The following LMO7 variants were observed in gnomAD, a reference collection of about 807,000 sequenced individuals.
The protein encoded by LMO7 is LIM domain 7, also known as LIM domain only protein 7.
Under a neutral mutation model 206.5 loss-of-function variants are expected in LMO7, and 120 were observed. That is an observed-to-expected ratio of 0.58 (90% confidence interval 0.50 to 0.68). The LOEUF (loss-of-function observed/expected upper bound fraction) is 0.68. Among genes scored for constraint, LMO7 ranks in the 30% least tolerant of loss-of-function variants. The pLI is 0.00. For missense variants in LMO7, 1,959 were observed against 1,957.9 expected, an observed-to-expected ratio of 1.00 and a Z score of -0.01; for synonymous variants, 706 against 681.5, an observed-to-expected ratio of 1.04 and a Z score of -0.56.
At chr13:75,632,862 G>GTTTTTTTTT (rs10690832), upstream of LMO7, among the ~76,000 whole-genome samples, 1,170 of 102,096 alleles carry the variant, frequency 0.011, 172 homozygotes, top group African/African-American at 0.025. Flanking sequence ...TTACTTAAAA[G>GTTTTTTTTT]TTTTTTTTTT....
chr13:75,688,091 A>AT (rs1378053861), intron 1 of LMO7, among the ~76,000 whole-genome samples: 6 of 152,082 alleles, frequency 3.9e-5, no homozygotes, highest in Non-Finnish European at 1.5e-5. Context: ...TTCCACCATG[A>AT]TTGTGAGGCC....
At chr13:75,765,555 A>T (rs1489664952) in intron 4 of LMO7, among the ~76,000 whole-genome samples, 1 of 151,994 alleles carries the variant, frequency 6.6e-6, no homozygotes, top group African/African-American at 2.4e-5. Flanking sequence ...CCATTCAACC[A>T]TTCTCTGTTG....
In LMO7 at chr13:75,853,347, T is replaced by A. The variant is rs375202957; in HGVS notation, c.4620T>A (p.His1540Gln). The change falls in exon 28 of 31, where the codon CAT (histidine) becomes CAA (glutamine). Residue 1540 changes from histidine (H) to glutamine (Q), a missense_variant. Coordinates refer to ENST00000377534, the MANE Select transcript of LMO7 (RefSeq NM_001306080.2). ...CACAGTCCCCCACCCCGAGAAGCCA[T>A]TCCCCTTCAGCTTCACAGTCAGGCT... Reference protein sequence around the residue: ...ATTQSPTPRSHSPSASQSGSQ... With the variant: ...ATTQSPTPRSQSPSASQSGSQ... The A allele has an allele frequency of 1.2e-6, 2 of 1,612,572 alleles. No homozygotes were observed. Among genetic ancestry groups the A allele is most frequent in the African/African-American group, 2.7e-5 (2 of 74,904 alleles).
chr13:75,623,409 G>C, intron 2 of LMO7: 1 of 730,624 alleles, frequency 1.4e-6, no homozygotes, highest in Non-Finnish European at 2.4e-6. Context: ...TGTTGCCCAG[G>C]GTGGAGTGCA....
chr13:75,670,966 C>CTTTTTTTTTTTTTTTTTT (rs552236505), intron 1 of LMO7, among the ~76,000 whole-genome samples: 11 of 100,078 alleles, frequency 1.1e-4, no homozygotes, highest in Non-Finnish European at 1.6e-4. Context: ...ATGTTTAAAA[C>CTTTTTTTTTTTTTTTTTT]TTTTTTTTTT....
intron 26 of LMO7, 75 bp from the exon 27 acceptor site, chr13:75,849,004 C>T: frequency 1.2e-6 from 1 of 823,648 alleles, no homozygotes. Flanking sequence ...TTTCCCTGAT[C>T]ACTAGTGATG....
At chr13:75,804,605 T>G (rs1420062610) in intron 8 of LMO7, 64 bp downstream of exon 8, 16 of 1,523,326 alleles carry the variant, frequency 1.1e-5, no homozygotes, top group African/African-American at 1.4e-5. Context: ...ATGTTAAATG[T>G]GGTAAAAAGA....
chr13:75,831,896 C>T (rs375719744), intron 15 of LMO7, among the ~76,000 whole-genome samples: 1 of 152,124 alleles, frequency 6.6e-6, no homozygotes, highest in Admixed American at 6.6e-5. Flanking sequence ...CAAGTACTAT[C>T]CTAGTTTTTC....
chr13:75,771,954 G>T (rs2140062347), intron 4 of LMO7, among the ~76,000 whole-genome samples: 1 of 151,956 alleles, frequency 6.6e-6, no homozygotes, highest in South Asian at 2.1e-4. Context: ...CAGGTGATAA[G>T]CATAGCACAT....
chr13:75,713,732 A>T (rs949510125), intron 2 of LMO7, among the ~76,000 whole-genome samples: 1 of 152,214 alleles, frequency 6.6e-6, no homozygotes, highest in Non-Finnish European at 1.5e-5. Context: ...GTTGTGGACC[A>T]TTCATTCAAT....
chr13:75,758,430 T>C (rs1046723746), intron 3 of LMO7, among the ~76,000 whole-genome samples: 1 of 152,192 alleles, frequency 6.6e-6, no homozygotes, highest in Non-Finnish European at 1.5e-5. Flanking sequence ...CCAATCTTAG[T>C]ACAACCTCGT....
Position 75,800,950 on chromosome 13 carries a change from T to C in LMO7, c.661+68T>C, listed in dbSNP as rs1206789359. On this transcript the variant is annotated intron_variant, in intron 7 of 30. Coordinates refer to ENST00000377534, the MANE Select transcript of LMO7 (RefSeq NM_001306080.2). ...AGGGAGAACTGGGAACAGGAGAGAA[T>C]AGAAAAATGGAGCAAAAACTAGGCA... is the stretch of plus-strand genomic sequence containing the variant. The C allele has an allele frequency of 4.0e-6, 6 of 1,496,426 alleles. No individual in the cohort carries two copies. The East Asian group carries it at 1.1e-4, about 28-fold the overall frequency. 92.7% of individuals were successfully genotyped at this position (1,496,426 alleles called of 1,614,324 possible). A position where few individuals can be genotyped will look rare whatever the true frequency, so the allele number is the denominator to read the frequency against.
intron 9 of LMO7, chr13:75,806,368 A>T: frequency 4.8e-6 from 2 of 417,360 alleles, no homozygotes; most frequent in Non-Finnish European, 6.4e-6. Context: ...TGAATCAGGA[A>T]ACCTGACTCA....
intron 3 of LMO7, among the ~76,000 whole-genome samples, chr13:75,754,822 T>C (rs2047547310): frequency 6.6e-6 from 1 of 152,238 alleles, no homozygotes; most frequent in Non-Finnish European, 1.5e-5. Context: ...AACAAAGTCC[T>C]GTCTTACCCT....
intron 6 of LMO7, among the ~76,000 whole-genome samples, chr13:75,798,542 A>G (rs193243467): frequency 6.6e-6 from 1 of 152,150 alleles, no homozygotes; most frequent in Non-Finnish European, 1.5e-5. Flanking sequence ...GTAGTTGAAG[A>G]CCTTATGGTG....
At chr13:75,766,867 C>T (rs776612299) in intron 4 of LMO7, among the ~76,000 whole-genome samples, 1 of 152,080 alleles carries the variant, frequency 6.6e-6, no homozygotes, top group Non-Finnish European at 1.5e-5. Context: ...CAAAGACTTC[C>T]TGGATATCTT....
In LMO7 at chr13:75,821,464, G is replaced by A. The variant is rs574942982; in HGVS notation, c.2495G>A (p.Ser832Asn). Residue 832 changes from serine to asparagine, a missense_variant, in exon 14 of 31, where the codon AGC becomes AAC. Ser to Asn is a conservative substitution (Grantham distance 46). Coordinates refer to ENST00000377534, the MANE Select transcript of LMO7 (RefSeq NM_001306080.2). ...TCTTTGTCTTCTCTGCGTTCACGGA[G>A]CACACAAATGGAATCAACTCGTGTT... The part of the protein sequence containing the change: ...PASLSSLRSR[S>N]TQMESTRVSA... The A allele has an allele frequency of 6.8e-6, 11 of 1,614,054 alleles. No individual in the cohort carries two copies. The South Asian group carries it at 9.9e-5, about 14-fold the overall frequency.
intron 2 of LMO7, chr13:75,627,120 T>A (rs936244229): frequency 3.3e-5 from 5 of 152,142 alleles, no homozygotes; most frequent in Admixed American, 1.3e-4. Context: ...ATTACAATTC[T>A]AAAGTACAGA....
intron 3 of LMO7, among the ~76,000 whole-genome samples, chr13:75,734,054 C>T (rs2045558869): frequency 6.6e-6 from 1 of 152,226 alleles, no homozygotes; most frequent in Admixed American, 6.5e-5. Flanking sequence ...CCTGCTAACT[C>T]TGTTACTTTA....
Sources: allele counts gnomAD v4.1 joint callset (sites outside exome capture counted in the v4.1 genomes callset), GRCh38; gene constraint gnomAD v4.1.1; transcripts MANE v1.5; gene names NCBI Gene and HGNC (gene_info 2026-07-23, HGNC 2026-07-21).